EDN1: variants seen among roughly 807,000 people sequenced by gnomAD.
EDN1 encodes the protein endothelin 1.
EDN1 carries 11 observed loss-of-function variants against 21.7 expected under a neutral mutation model. The ratio of observed to expected loss-of-function variants is 0.51; its 90% CI spans 0.32 to 0.84. The LOEUF (loss-of-function observed/expected upper bound fraction) is 0.84, where lower values mean the gene tolerates loss of function less well. Among genes scored for constraint, EDN1 ranks in the 40% least tolerant of loss-of-function variants. The pLI, the probability that EDN1 is intolerant of heterozygous loss-of-function variation, is 0.03. For synonymous variants in EDN1, 85 were observed against 90.6 expected (o/e 0.94, Z 0.35); for missense variants, 244 against 262.3 (o/e 0.93, Z 0.48).
chr6:12,274,490 T>C, the EDN1 span, among the ~76,000 whole-genome samples: 1 of 152,254 alleles, frequency 6.6e-6, no homozygotes, highest in African/African-American at 2.4e-5. Context: ...TTTAAAACTT[T>C]TATTTATCTC....
At chr6:12,263,373 T>C in the EDN1 span, among the ~76,000 whole-genome samples, 1 of 152,166 alleles carries the variant, frequency 6.6e-6, no homozygotes, top group African/African-American at 2.4e-5. Flanking sequence ...ATAAAAAGAA[T>C]CTGTTACAAA....
At position 12,294,397 on chromosome 6, in the gene EDN1, C is replaced by A; in HGVS notation, c.526C>A (p.Gln176Lys). The A allele has an allele frequency of 1.9e-6, 3 of 1,614,090 alleles. No individual in the cohort carries two copies. The highest frequency in any genetic ancestry group is 1.3e-5 in the African/African-American group (1 of 75,008). Reference protein sequence around the residue: ...IRRSSEEHLRQTRSETMRNSV... With the variant: ...IRRSSEEHLRKTRSETMRNSV... ...AAGAAGTTCAGAGGAACACCTAAGA[C>A]AAACCAGGTAAGAGGGAAGGAAGAA... is the stretch of plus-strand genomic sequence containing the variant. Residue 176 changes from glutamine (Q) to lysine (K), a missense_variant, in exon 4 of 5, where the codon CAA becomes AAA. Gln to Lys is a moderately conservative substitution (Grantham distance 53). Coordinates refer to ENST00000379375, the MANE Select transcript of EDN1 (RefSeq NM_001955.5).
the EDN1 span, among the ~76,000 whole-genome samples, chr6:12,256,214 A>C: frequency 6.6e-6 from 1 of 152,144 alleles, no homozygotes; most frequent in African/African-American, 2.4e-5. Flanking sequence ...ATAGCCAGAC[A>C]TGGTGGTGCA....
the EDN1 span, among the ~76,000 whole-genome samples, chr6:12,243,947 T>C: frequency 3.3e-5 from 5 of 152,294 alleles, no homozygotes; most frequent in Non-Finnish European, 7.4e-5. Context: ...TGATGGAAAC[T>C]TTCTCTTTTT....
At chr6:12,238,641 T>C in the EDN1 span, among the ~76,000 whole-genome samples, 1 of 152,228 alleles carries the variant, frequency 6.6e-6, no homozygotes, top group African/African-American at 2.4e-5. Flanking sequence ...GGTTGAAGCA[T>C]GGACATCTAG....
the EDN1 span, among the ~76,000 whole-genome samples, chr6:12,273,886 G>A: frequency 6.6e-6 from 1 of 152,028 alleles, no homozygotes; most frequent in African/African-American, 2.4e-5. Flanking sequence ...GACCTTAATG[G>A]GACATTTGAG....
chr6:12,249,116 G>C, the EDN1 span, among the ~76,000 whole-genome samples: 3 of 152,204 alleles, frequency 2.0e-5, no homozygotes, highest in African/African-American at 7.2e-5. Context: ...TTAAGAGCCA[G>C]TGAGTTTTCG....
At chr6:12,245,345 T>A in the EDN1 span, among the ~76,000 whole-genome samples, 32 of 152,334 alleles carry the variant, frequency 2.1e-4, no homozygotes, top group African/African-American at 7.5e-4. Flanking sequence ...GCTCTCCTGA[T>A]GAATATTTCA....
chr6:12,235,267 G>A, the EDN1 span, among the ~76,000 whole-genome samples: 1,692 of 152,266 alleles, frequency 0.011, 35 homozygotes, highest in African/African-American at 0.038. Flanking sequence ...AGCTTTCTCC[G>A]TTTCCTTAGA....
At chr6:12,284,739 G>GAAA in the EDN1 span, among the ~76,000 whole-genome samples, 576 of 97,404 alleles carry the variant, frequency 5.9e-3, 4 homozygotes, top group South Asian at 0.018. Context: ...AAGGAAGGAA[G>GAAA]GAAGGAAGGA....
chr6:12,238,960 T>A, the EDN1 span, among the ~76,000 whole-genome samples: 10 of 152,300 alleles, frequency 6.6e-5, no homozygotes, highest in African/African-American at 2.2e-4. Context: ...GTTGGGTGAG[T>A]TTAGCTCTTC....
chr6:12,290,424 A>G lies in EDN1; in HGVS notation c.-206A>G, dbSNP rs1581882736. 1.7e-6 allele frequency: 1 copy of G among 595,530 alleles called. No homozygotes were observed. Among genetic ancestry groups the G allele is most frequent in the Non-Finnish European group, 3.0e-6 (1 of 335,644 alleles). The allele number at this position is 595,530 out of a possible 1,614,324, so 36.9% of individuals were successfully genotyped here. ...GCGCCTCCTGCAGTCCCAGCTCTCC[A>G]CCGCCGCGTGCGCCTGCAGACGCTC... On this transcript the variant is annotated 5_prime_UTR_variant, in exon 1 of 5. Transcript: ENST00000379375.
At chr6:12,269,592 C>T in the EDN1 span, among the ~76,000 whole-genome samples, 2 of 151,762 alleles carry the variant, frequency 1.3e-5, no homozygotes, top group African/African-American at 2.4e-5. Flanking sequence ...GGTTTTTGTC[C>T]TTGATTCTAT....
At chr6:12,271,543 A>G in the EDN1 span, among the ~76,000 whole-genome samples, 1 of 152,184 alleles carries the variant, frequency 6.6e-6, no homozygotes, top group African/African-American at 2.4e-5. Flanking sequence ...AACTTATTGT[A>G]GCTAGACTTA....
At chr6:12,263,312 A>G in the EDN1 span, among the ~76,000 whole-genome samples, 1 of 152,244 alleles carries the variant, frequency 6.6e-6, no homozygotes, top group Non-Finnish European at 1.5e-5. Flanking sequence ...AATATAGGGA[A>G]CACTGTCCAG....
At chr6:12,250,126 C>G in the EDN1 span, among the ~76,000 whole-genome samples, 5 of 151,872 alleles carry the variant, frequency 3.3e-5, no homozygotes, top group Admixed American at 2.6e-4. Context: ...CCCATGCACT[C>G]TTATGTAACC....
At chr6:12,241,256 C>G in the EDN1 span, among the ~76,000 whole-genome samples, 59 of 151,554 alleles carry the variant, frequency 3.9e-4, no homozygotes, top group African/African-American at 1.4e-3. Flanking sequence ...ACCTCTGCCT[C>G]CTGGGTTCAA....
At chr6:12,273,845 C>A in the EDN1 span, among the ~76,000 whole-genome samples, 1 of 151,954 alleles carries the variant, frequency 6.6e-6, no homozygotes, top group African/African-American at 2.4e-5. Flanking sequence ...AGTCTTCCAG[C>A]GTACAATATA....
chr6:12,294,468 T>G (rs1762772038), intron 4 of EDN1, 64 bp downstream of exon 4: 4 of 1,592,196 alleles, frequency 2.5e-6, no homozygotes, highest in African/African-American at 2.7e-5. Context: ...CAGTCAGTGA[T>G]GCCAGCAGCC....
Sources: gnomAD v4.1 joint callset for allele counts (sites outside exome capture counted in the v4.1 genomes callset) on GRCh38, gnomAD v4.1.1 for gene constraint, MANE v1.5 for transcripts, NCBI Gene and HGNC (gene_info 2026-07-23, HGNC 2026-07-21) for gene names.